MED13: variants seen among roughly 807,000 people sequenced by gnomAD.
The protein encoded by MED13 is mediator complex subunit 13.
In MED13, 23 loss-of-function variants were observed where a neutral mutation model predicts 225.2. That is an observed-to-expected ratio of 0.10 (90% CI 0.07 to 0.14). The LOEUF (loss-of-function observed/expected upper bound fraction) is 0.14. MED13 is among the 10% of genes least tolerant of loss of function. The probability of loss-of-function intolerance (pLI) is 1.00; values close to 1 mark genes in which losing one functional copy is unlikely to be tolerated. For synonymous variants in MED13, 942 were observed against 889.2 expected, an observed-to-expected ratio of 1.06 and a Z score of -1.06; for missense variants, 2,197 against 2,594.5, an observed-to-expected ratio of 0.85 and a Z score of 3.33.
At chr17:62,012,904 T>C (rs2080525707) in intron 8 of MED13, among the ~76,000 whole-genome samples, 1 of 151,984 alleles carries the variant, frequency 6.6e-6, no homozygotes. Context: ...GCAGTTTTCC[T>C]GCCTCAGCCT....
Position 61,961,923 on chromosome 17 carries a change from C to T in MED13, c.5065-144G>A. On this transcript the variant is annotated intron_variant, in intron 21 of 29. Transcript: ENST00000397786. Reference sequence around the variant, plus strand: ...GAAAATTTAACGATTGTTTTCTTATCTATTATGTAGGCTTTTAATAAGTAG... The same window carrying T: ...GAAAATTTAACGATTGTTTTCTTATTTATTATGTAGGCTTTTAATAAGTAG... The T allele has an allele frequency of 3.7e-6, 3 of 802,392 alleles. No homozygotes were observed. The South Asian group carries it at 5.4e-5, about 14-fold the overall frequency. The allele number at this position is 802,392 out of a possible 1,614,324, so 49.7% of individuals were successfully genotyped here.
intron 9 of MED13, among the ~76,000 whole-genome samples, chr17:62,002,790 G>C (rs1043478175): frequency 2.0e-5 from 3 of 152,164 alleles, no homozygotes; most frequent in East Asian, 1.9e-4. Flanking sequence ...ATAGTATGGG[G>C]AATCTCCCCA....
At chr17:61,996,188 A>AT (rs1169361003) in intron 9 of MED13, among the ~76,000 whole-genome samples, 3 of 152,212 alleles carry the variant, frequency 2.0e-5, no homozygotes, top group Admixed American at 1.3e-4. Flanking sequence ...AAGCTGATCT[A>AT]TACCAAAGAA....
chr17:61,948,130 G>GCT (rs1390642077), intron 28 of MED13, among the ~76,000 whole-genome samples: 1 of 151,916 alleles, frequency 6.6e-6, no homozygotes, highest in East Asian at 1.9e-4. Context: ...AAGGGATCTA[G>GCT]CTAACAACCC....
chr17:62,030,239 G>A (rs535012286), intron 6 of MED13: 111 of 400,994 alleles, frequency 2.8e-4, no homozygotes, highest in African/African-American at 2.1e-3. Context: ...CAAGAGTGGG[G>A]TTCTCAGGAG....
chr17:61,988,281 G>A lies in MED13; in HGVS notation c.2264-1153C>T, dbSNP rs138072743. Among the ~76,000 whole-genome samples, 360 of 152,196 alleles carry A rather than the reference G, an allele frequency of 2.4e-3. 1 individual carries two copies. The highest frequency in any genetic ancestry group is 8.3e-3 in the African/African-American group (344 of 41,530). On this transcript the variant is annotated intron_variant, in intron 11 of 29. Transcript: ENST00000397786. ...AGATAAATATTACCGCTTAGTTACC[G>A]TACTACAATTTTATTTTCCTACCCT...
intron 8 of MED13, among the ~76,000 whole-genome samples, chr17:62,017,716 GTTGT>G (rs957037025): frequency 1.3e-5 from 2 of 152,162 alleles, no homozygotes; most frequent in Non-Finnish European, 2.9e-5. Flanking sequence ...CATTCAGTTT[GTTGT>G]TTTTTATGAT....
At chr17:61,976,823 T>TCA (rs1261068044) in intron 16 of MED13, among the ~76,000 whole-genome samples, 1 of 152,014 alleles carries the variant, frequency 6.6e-6, no homozygotes, top group Non-Finnish European at 1.5e-5. Context: ...TCCCAGCTAC[T>TCA]GGAGAGGCTG....
intron 2 of MED13, among the ~76,000 whole-genome samples, chr17:62,059,190 T>C (rs1202203366): frequency 6.6e-6 from 1 of 152,194 alleles, no homozygotes. Flanking sequence ...TCCAAATATA[T>C]ACTTTAGTTA....
chr17:61,981,828 T>C (rs115210357), intron 16 of MED13, among the ~76,000 whole-genome samples: 2,474 of 152,362 alleles, frequency 0.016, 59 homozygotes, highest in African/African-American at 0.057. Context: ...GCAAAGAATA[T>C]GTGTGCTTTG....
At chr17:62,029,236 A>G (rs1031865128) in intron 8 of MED13, 1 of 259,276 alleles carries the variant, frequency 3.9e-6, no homozygotes, top group African/African-American at 2.2e-5. Context: ...CAAGAGATTT[A>G]TATGGCTGTA....
At chr17:62,057,887 AT>A (rs572465527) in intron 2 of MED13, among the ~76,000 whole-genome samples, 1 of 152,146 alleles carries the variant, frequency 6.6e-6, no homozygotes, top group Non-Finnish European at 1.5e-5. Context: ...ACTTGCTATG[AT>A]TTTTTTAAGA....
chr17:62,015,100 T>C (rs1212315896), intron 8 of MED13, among the ~76,000 whole-genome samples: 4 of 152,182 alleles, frequency 2.6e-5, no homozygotes, highest in African/African-American at 9.7e-5. Flanking sequence ...AGGAGAGATT[T>C]AGAAAACATA....
intron 11 of MED13, among the ~76,000 whole-genome samples, chr17:61,990,416 G>C (rs1254916802): frequency 6.6e-6 from 1 of 151,822 alleles, no homozygotes; most frequent in Non-Finnish European, 1.5e-5. Context: ...GGTTACAATA[G>C]GAGACTAACA....
chr17:62,056,492 A>G (rs972510630), intron 2 of MED13, among the ~76,000 whole-genome samples: 2 of 152,140 alleles, frequency 1.3e-5, no homozygotes, highest in Non-Finnish European at 2.9e-5. Flanking sequence ...GCCAGGTGCA[A>G]TGACTCATGC....
At chr17:61,962,159 G>A (rs997897369) in intron 21 of MED13, among the ~76,000 whole-genome samples, 2 of 152,020 alleles carry the variant, frequency 1.3e-5, no homozygotes, top group African/African-American at 4.8e-5. Context: ...GGTGGCATGC[G>A]CCTGTAGTCC....
At chr17:62,008,267 G>A (rs569498561) in intron 9 of MED13, among the ~76,000 whole-genome samples, 38 of 135,844 alleles carry the variant, frequency 2.8e-4, no homozygotes, top group Middle Eastern at 4.2e-3. Flanking sequence ...GCAGTGAGCA[G>A]GGATCGCGCA....
intron 8 of MED13, among the ~76,000 whole-genome samples, chr17:62,022,430 C>T (rs2080658360): frequency 6.6e-6 from 1 of 151,774 alleles, no homozygotes; most frequent in Non-Finnish European, 1.5e-5. Context: ...AGAATGATTA[C>T]ATAAACTATG....
intron 16 of MED13, among the ~76,000 whole-genome samples, chr17:61,973,446 A>C (rs897831693): frequency 6.6e-6 from 1 of 152,208 alleles, no homozygotes; most frequent in African/African-American, 2.4e-5. Flanking sequence ...ATATTTATAA[A>C]TTATCAAATT....
Sources: gnomAD v4.1 joint callset for allele counts (sites outside exome capture counted in the v4.1 genomes callset) on GRCh38, gnomAD v4.1.1 for gene constraint, MANE v1.5 for transcripts, NCBI Gene and HGNC (gene_info 2026-07-23, HGNC 2026-07-21) for gene names.